The following SIRT1 variants were observed in gnomAD, a reference collection of about 807,000 sequenced individuals.
SIRT1 encodes the protein sirtuin 1, also known as NAD-dependent protein deacetylase sirtuin-1.
Under a neutral mutation model 67.9 loss-of-function variants are expected in SIRT1, and 24 were observed. That is an observed-to-expected ratio of 0.35 (90% CI 0.26 to 0.50). The LOEUF is 0.50. SIRT1 is among the 20% of genes least tolerant of loss of function. The pLI is 0.98. For synonymous variants in SIRT1, 378 were observed against 350.7 expected (o/e 1.08, Z -0.87); for missense variants, 873 against 937.2 (o/e 0.93, Z 0.89).
chr10:67,915,220 TGA>T (rs2029878586), intron 8 of SIRT1, among the ~76,000 whole-genome samples: 1 of 152,156 alleles, frequency 6.6e-6, no homozygotes, highest in Admixed American at 6.6e-5. Context: ...GGAGAGAACT[TGA>T]GATAGGCCAC....
At chr10:67,895,419 A>G (rs1057142789) in intron 4 of SIRT1, among the ~76,000 whole-genome samples, 3 of 152,176 alleles carry the variant, frequency 2.0e-5, no homozygotes, top group Admixed American at 6.6e-5. Flanking sequence ...GCAGGATAGT[A>G]TCCTGACACG....
chr10:67,913,323 G>C (rs149118909), intron 8 of SIRT1, among the ~76,000 whole-genome samples: 2 of 152,286 alleles, frequency 1.3e-5, no homozygotes, highest in African/African-American at 4.8e-5. Context: ...CTGTAGGTCA[G>C]CTGCTTTACA....
At chr10:67,914,835 G>A (rs1229889595) in intron 8 of SIRT1, among the ~76,000 whole-genome samples, 2 of 151,094 alleles carry the variant, frequency 1.3e-5, no homozygotes, top group African/African-American at 4.9e-5. Context: ...ACTCTCCAGA[G>A]TAGCTGTAGC....
chr10:67,902,726 T>C (rs899286003), intron 4 of SIRT1, among the ~76,000 whole-genome samples: 1 of 152,188 alleles, frequency 6.6e-6, no homozygotes, highest in Non-Finnish European at 1.5e-5. Flanking sequence ...GAACTATATA[T>C]AGGAGGGGGT....
rs2029916119 is a variant in SIRT1 at position 67,916,464 on chromosome 10, G to T, written c.2115G>T (p.Glu705Asp). Residue 705 changes from glutamate to aspartate, a missense_variant, in exon 9 of 9, where the codon GAG becomes GAT. This residue lies in a region of SIRT1 where 295 missense variants were observed against 294.5 expected (regional missense o/e 1.00). Transcript: ENST00000212015. ...AATTCTACAATGGCTTAGAAGATGAGCCTGATGTTCCAGAGAGAGCTGGAG... is the reference window on the plus strand; with the variant it reads ...AATTCTACAATGGCTTAGAAGATGATCCTGATGTTCCAGAGAGAGCTGGAG... Reference protein sequence around the residue: ...IEEFYNGLEDEPDVPERAGGA... With the variant: ...IEEFYNGLEDDPDVPERAGGA... The T allele has an allele frequency of 2.5e-6, 4 of 1,614,058 alleles. No homozygotes were observed. The South Asian group carries it at 4.4e-5, about 18-fold the overall frequency.
chr10:67,900,921 ATAAT>A (rs1842735530), intron 4 of SIRT1, among the ~76,000 whole-genome samples: 1 of 152,268 alleles, frequency 6.6e-6, no homozygotes, highest in East Asian at 1.9e-4. Flanking sequence ...TTATGGATAT[ATAAT>A]AGTTGTACGT....
chr10:67,885,446 C>G, intron 1 of SIRT1: 1 of 1,183,998 alleles, frequency 8.4e-7, no homozygotes, highest in Non-Finnish European at 1.1e-6. Context: ...CTCTCCCCCT[C>G]TTACTCTTTT....
At position 67,910,494 on chromosome 10, in the gene SIRT1, A is replaced by G. The variant is rs553717176; in HGVS notation, c.1357+1052A>G. Among the ~76,000 whole-genome samples, 393 of 152,330 alleles carry G rather than the reference A, an allele frequency of 2.6e-3. 1 individual carries two copies. Among genetic ancestry groups the G allele is most frequent in the African/African-American group, 9.2e-3 (381 of 41,580 alleles). On this transcript the variant is annotated intron_variant, in intron 7 of 8. Transcript: ENST00000212015. ...GGTGGAATGTGTTTTTAATGTTGCAAGGGTTAGCATCAATTAATTTATGAA... is the reference window on the plus strand; with the variant it reads ...GGTGGAATGTGTTTTTAATGTTGCAGGGGTTAGCATCAATTAATTTATGAA...
chr10:67,904,841 T>G, intron 4 of SIRT1, among the ~76,000 whole-genome samples: 1 of 101,510 alleles, frequency 9.9e-6, no homozygotes, highest in African/African-American at 3.0e-5. Context: ...CGAAACTCTG[T>G]CTCAAAAAAA....
intron 6 of SIRT1, among the ~76,000 whole-genome samples, chr10:67,908,645 T>G (rs1413708847): frequency 6.6e-6 from 1 of 152,196 alleles, no homozygotes; most frequent in Non-Finnish European, 1.5e-5. Flanking sequence ...GGCTCATGCT[T>G]GTAATCCCAG....
rs570065837 is a variant in SIRT1, at chr10:67,889,507, C to T, written c.789+384C>T. 5.9e-5 allele frequency among the ~76,000 whole-genome samples: 9 copies of T among 152,302 alleles called. No individual in the cohort carries two copies. The East Asian group carries it at 1.5e-3, about 26-fold the overall frequency. ...AAACTGGAAACCTAATTGGTATTCA[C>T]AAGTGAAAAGCTTAGTGTTGGGAAG... On this transcript the variant is annotated intron_variant, in intron 3 of 8. Transcript: ENST00000212015.
rs1842460155 is a variant in SIRT1, at chr10:67,885,368, C to T, written c.430+217C>T. 7.3e-6 allele frequency: 9 copies of T among 1,233,002 alleles called. No individual in the cohort carries two copies. The Admixed American group carries it at 1.3e-4, about 17-fold the overall frequency. 76.4% of individuals were successfully genotyped at this position (1,233,002 alleles called of 1,614,324 possible). ...CTCTTTTCCTCCGTCCGTGGCCCGC[C>T]TGGGCGGCCTTGTTCTTTCCGCAGC... On this transcript the variant is annotated intron_variant, in intron 1 of 8. Transcript: ENST00000212015.
rs549121941 is a variant in SIRT1 at position 67,887,587 on chromosome 10, T to C, written c.547+54T>C. The C allele has an allele frequency of 7.2e-6, 9 of 1,241,806 alleles. No homozygotes were observed. The African/African-American group carries it at 1.0e-4, about 14-fold the overall frequency. 76.9% of individuals were successfully genotyped at this position (1,241,806 alleles called of 1,614,324 possible). ...AGTAAATGTACGGTTTTTGGTTTGT[T>C]TGTTTTGAGACAGAGTTTCGCTCTT... On this transcript the variant is annotated intron_variant, in intron 2 of 8. Coordinates refer to ENST00000212015, the MANE Select transcript of SIRT1 (RefSeq NM_012238.5).
At chr10:67,895,088 C>A (rs565861215) in intron 4 of SIRT1, among the ~76,000 whole-genome samples, 1 of 152,116 alleles carries the variant, frequency 6.6e-6, no homozygotes, top group Admixed American at 6.6e-5. Flanking sequence ...AATTCTTTGT[C>A]CATCCTTTAA....
chr10:67,894,784 A>G (rs576886247), intron 4 of SIRT1, among the ~76,000 whole-genome samples: 93 of 152,158 alleles, frequency 6.1e-4, no homozygotes, highest in African/African-American at 2.1e-3. Flanking sequence ...ATCTCGGCTC[A>G]CTGCATCCTC....
Position 67,884,693 on chromosome 10 carries a change from G to A in SIRT1, c.-29G>A. On this transcript the variant is annotated 5_prime_UTR_variant, in exon 1 of 9. Coordinates refer to ENST00000212015, the MANE Select transcript of SIRT1 (RefSeq NM_012238.5). ...CGTCGAGCGGGAGCAGAGGAGGCGA[G>A]GGAGGAGGGCCAGAGAGGCAGTTGG... is the stretch of plus-strand genomic sequence containing the variant. The A allele has an allele frequency of 5.7e-6, 7 of 1,227,980 alleles. No individual in the cohort carries two copies. Among genetic ancestry groups the A allele is most frequent in the Non-Finnish European group, 6.1e-6 (6 of 985,588 alleles). 76.1% of individuals were successfully genotyped at this position (1,227,980 alleles called of 1,614,324 possible).
chr10:67,886,299 A>G (rs1244796218), intron 1 of SIRT1, among the ~76,000 whole-genome samples: 1 of 151,506 alleles, frequency 6.6e-6, no homozygotes, highest in African/African-American at 2.4e-5. Context: ...ATCTTTATCA[A>G]TATTTGGGTC....
intron 4 of SIRT1, among the ~76,000 whole-genome samples, chr10:67,906,438 C>T (rs1842821684): frequency 6.6e-6 from 1 of 151,520 alleles, no homozygotes; most frequent in South Asian, 2.1e-4. Flanking sequence ...TTTAAACTTT[C>T]CCATTTTTCT....
At chr10:67,890,979 G>A (rs1430202616) in intron 3 of SIRT1, among the ~76,000 whole-genome samples, 4 of 138,684 alleles carry the variant, frequency 2.9e-5, no homozygotes, top group Non-Finnish European at 6.1e-5. Flanking sequence ...ACAGTGAGCC[G>A]AGATCGCACC....
Sources: gnomAD v4.1 joint callset for allele counts (sites outside exome capture counted in the v4.1 genomes callset) on GRCh38, gnomAD v4.1.1 for gene constraint, gnomAD v4.1.1 regional missense constraint, MANE v1.5 for transcripts, NCBI Gene and HGNC (gene_info 2026-07-23, HGNC 2026-07-21) for gene names.